LIFR: variants seen among roughly 807,000 people sequenced by gnomAD.
LIFR encodes the protein leukemia inhibitory factor receptor.
LIFR carries 84 observed loss-of-function variants against 122.2 expected under a neutral mutation model. The ratio of observed to expected loss-of-function variants is 0.69; its 90% CI spans 0.58 to 0.82. The LOEUF (loss-of-function observed/expected upper bound fraction) is 0.82. Ranked by LOEUF, LIFR falls within the 40% of genes least tolerant of loss-of-function variation. The probability of loss-of-function intolerance (pLI) is 0.00; values close to 1 mark genes in which losing one functional copy is unlikely to be tolerated. For missense variants in LIFR, 1,294 were observed against 1,311.6 expected, an observed-to-expected ratio of 0.99 and a Z score of 0.21; for synonymous variants, 422 against 434.7, an observed-to-expected ratio of 0.97 and a Z score of 0.36.
At chr5:38,484,025 G>A (rs891927492) in intron 18 of LIFR, among the ~76,000 whole-genome samples, 12 of 152,070 alleles carry the variant, frequency 7.9e-5, no homozygotes, top group African/African-American at 2.9e-4. Flanking sequence ...GTTTCACCAG[G>A]CACACAGCTC....
intron 1 of LIFR, among the ~76,000 whole-genome samples, chr5:38,577,330 T>C (rs565303599): frequency 6.6e-6 from 1 of 152,310 alleles, no homozygotes; most frequent in African/African-American, 2.4e-5. Flanking sequence ...GACTGACACC[T>C]CTCGCTCTGC....
intron 1 of LIFR, among the ~76,000 whole-genome samples, chr5:38,540,596 CG>C (rs1747538834): frequency 6.6e-6 from 1 of 152,156 alleles, no homozygotes; most frequent in African/African-American, 2.4e-5. Context: ...CACAGGCTGG[CG>C]GGCAGCCCCT....
intron 1 of LIFR, among the ~76,000 whole-genome samples, chr5:38,541,859 A>G (rs553684500): frequency 8.7e-4 from 132 of 152,348 alleles, no homozygotes; most frequent in Non-Finnish European, 1.4e-3. Flanking sequence ...GAACAAATAC[A>G]GATGGGAGGA....
chr5:38,571,131 G>A (rs1423425476), intron 1 of LIFR, among the ~76,000 whole-genome samples: 2 of 152,174 alleles, frequency 1.3e-5, no homozygotes, highest in Non-Finnish European at 2.9e-5. Flanking sequence ...GCTGCAACTT[G>A]ATCTTCATCA....
At chr5:38,495,326 T>G (rs1744820747) in intron 13 of LIFR, among the ~76,000 whole-genome samples, 1 of 152,234 alleles carries the variant, frequency 6.6e-6, no homozygotes, top group Non-Finnish European at 1.5e-5. Flanking sequence ...TATCTTCTTA[T>G]GGATGTTCAC....
At chr5:38,534,150 T>C (rs1747167396) in intron 1 of LIFR, among the ~76,000 whole-genome samples, 2 of 152,172 alleles carry the variant, frequency 1.3e-5, no homozygotes, top group Admixed American at 6.5e-5. Context: ...TTCTTTACTG[T>C]TTCCTAGGAG....
At chr5:38,500,032 G>A (rs924028109) in intron 11 of LIFR, among the ~76,000 whole-genome samples, 3 of 152,052 alleles carry the variant, frequency 2.0e-5, no homozygotes, top group Non-Finnish European at 4.4e-5. Context: ...CCTTATTAGT[G>A]AGGTCTTTTC....
At chr5:38,514,097 G>A (rs1745949289) in intron 5 of LIFR, among the ~76,000 whole-genome samples, 1 of 151,618 alleles carries the variant, frequency 6.6e-6, no homozygotes, top group African/African-American at 2.4e-5. Flanking sequence ...TCAATAGCAG[G>A]ATGCAAAATC....
intron 19 of LIFR, 142 bp from the exon 20 acceptor site, chr5:38,482,360 C>T (rs960716938): frequency 4.0e-6 from 3 of 746,446 alleles, no homozygotes; most frequent in African/African-American, 4.5e-5. Context: ...AACAGCACAG[C>T]CACTTTTTTC....
chr5:38,496,683 T>A, intron 12 of LIFR, 88 bp from the exon 13 acceptor site: 1 of 923,528 alleles, frequency 1.1e-6, no homozygotes, highest in Non-Finnish European at 1.8e-6. Flanking sequence ...GACACTATAT[T>A]AACAATAACA....
chr5:38,551,195 T>C (rs1379307271), intron 1 of LIFR, among the ~76,000 whole-genome samples: 1 of 152,194 alleles, frequency 6.6e-6, no homozygotes, highest in East Asian at 1.9e-4. Context: ...TGTACTGCAT[T>C]ATAAACACTA....
In LIFR at chr5:38,510,599, T is replaced by C; in HGVS notation, c.856A>G (p.Asn286Asp). 3 of 1,614,070 alleles carry C rather than the reference T, an allele frequency of 1.9e-6. No homozygotes were observed. Among genetic ancestry groups the C allele is most frequent in the South Asian group, 1.1e-5 (1 of 91,084 alleles). The change falls in exon 7 of 20, where the codon AAC (asparagine) becomes GAC (aspartate). Residue 286 changes from asparagine to aspartate, a missense_variant. Asn to Asp is a conservative substitution (Grantham distance 23). Transcript: ENST00000453190. ...CCATCAAGATGGATCAAGGGGCAGT[T>C]TGTATGGCCAATCAGTGCTGATAAC... The part of the protein sequence containing the change: ...KVLSALIGHT[N>D]CPLIHLDGEN...
intron 7 of LIFR, among the ~76,000 whole-genome samples, chr5:38,507,672 G>A (rs966040953): frequency 2.0e-4 from 31 of 151,372 alleles, no homozygotes; most frequent in African/African-American, 7.0e-4. Flanking sequence ...TATAGAAACT[G>A]GTATTTCCTC....
At chr5:38,543,788 G>A (rs946275386) in intron 1 of LIFR, among the ~76,000 whole-genome samples, 1 of 151,958 alleles carries the variant, frequency 6.6e-6, no homozygotes, top group Non-Finnish European at 1.5e-5. Flanking sequence ...TCTATATGTG[G>A]TAATTTAAAA....
chr5:38,487,283 T>C (rs1744338006), intron 16 of LIFR, among the ~76,000 whole-genome samples: 1 of 152,248 alleles, frequency 6.6e-6, no homozygotes, highest in South Asian at 2.1e-4. Context: ...GCCTCGCATG[T>C]ACAAAATATC....
At chr5:38,565,779 G>T (rs1199641663) in intron 1 of LIFR, among the ~76,000 whole-genome samples, 1 of 151,996 alleles carries the variant, frequency 6.6e-6, no homozygotes, top group Non-Finnish European at 1.5e-5. Context: ...TAGAGACAGG[G>T]TTTCTCCATG....
chr5:38,559,987 C>T (rs559831553), upstream of LIFR, among the ~76,000 whole-genome samples: 147 of 152,168 alleles, frequency 9.7e-4, no homozygotes, highest in Non-Finnish European at 1.2e-3. Flanking sequence ...GGAAATGAAA[C>T]GCTTTGTTTT....
intron 15 of LIFR, 69 bp downstream of exon 15, chr5:38,490,121 C>T (rs904236948): frequency 7.7e-5 from 45 of 586,982 alleles, no homozygotes; most frequent in African/African-American, 7.1e-4. Flanking sequence ...TTCAATCATA[C>T]CATTGTTGCC....
At chr5:38,593,950 C>A (rs1750014894) in intron 1 of LIFR, among the ~76,000 whole-genome samples, 1 of 152,060 alleles carries the variant, frequency 6.6e-6, no homozygotes, top group African/African-American at 2.4e-5. Context: ...CCCAGACTAT[C>A]GTATTTTTGT....
Sources: gnomAD v4.1 joint callset for allele counts (sites outside exome capture counted in the v4.1 genomes callset) on GRCh38, gnomAD v4.1.1 for gene constraint, MANE v1.5 for transcripts, NCBI Gene and HGNC (gene_info 2026-07-23, HGNC 2026-07-21) for gene names.